Variants in PZP observed in about 807,000 individuals in gnomAD.
PZP encodes the protein PZP alpha-2-macroglobulin like.
A neutral mutation model predicts 179.8 loss-of-function variants in PZP; 150 were observed. That is an observed-to-expected ratio of 0.83 (90% confidence interval 0.73 to 0.96). PZP has a LOEUF of 0.96. Among genes scored for constraint, PZP ranks in the 40% least tolerant of loss-of-function variants. The pLI, the probability that PZP is intolerant of heterozygous loss-of-function variation, is 0.00. For missense variants in PZP, 1,689 were observed against 1,764.0 expected (o/e 0.96, Z 0.76); for synonymous variants, 624 against 652.3 (o/e 0.96, Z 0.66).
intron 10 of PZP, among the ~76,000 whole-genome samples, chr12:9,196,034 T>A (rs561650147): frequency 1.8e-4 from 28 of 152,112 alleles, no homozygotes; most frequent in Non-Finnish European, 3.8e-4. Flanking sequence ...GATAGAAATA[T>A]CATTTATTCT....
chr12:9,146,261 G>C (rs972590335), downstream of PZP, among the ~76,000 whole-genome samples: 1 of 151,024 alleles, frequency 6.6e-6, no homozygotes, highest in East Asian at 1.9e-4. Context: ...CCAATGACTG[G>C]TGTTCAAATT....
chr12:9,166,372 A>C (rs1941586742), intron 17 of PZP, among the ~76,000 whole-genome samples, 170 bp from the exon 18 acceptor site: 1 of 152,196 alleles, frequency 6.6e-6, no homozygotes. Flanking sequence ...TTCCCTGAAA[A>C]GAGAGGAGTC....
At chr12:9,161,639 C>T (rs1941208974) in intron 22 of PZP, among the ~76,000 whole-genome samples, 1 of 152,114 alleles carries the variant, frequency 6.6e-6, no homozygotes, top group South Asian at 2.1e-4. Flanking sequence ...TTACTGCCTC[C>T]CTTACACTAT....
At chr12:9,175,235 G>A (rs930955254) in intron 15 of PZP, among the ~76,000 whole-genome samples, 1 of 152,178 alleles carries the variant, frequency 6.6e-6, no homozygotes, top group African/African-American at 2.4e-5. Flanking sequence ...TTAGTAAATG[G>A]TGCTGGGAAT....
At position 9,164,187 on chromosome 12, in the gene PZP, T is replaced by C. The variant is rs763813780; in HGVS notation, c.2560A>G (p.Ile854Val). ...QNTKGEESYC[I>V]CGNERQTLSW... ...AAGGTTTGTCTCTCATTTCCACAGA[T>C]ACAATAGGATTCTTCTCCCTTTGTA... The change falls in exon 20 of 36, where the codon ATC becomes GTC. Residue 854 changes from isoleucine to valine, a missense_variant. Physicochemically the swap from Ile to Val is conservative, Grantham distance 29 (BLOSUM62 3). Around this residue, in one of 3 missense-constraint regions of PZP, gnomAD observed 746 missense variants for 749.2 expected, o/e 1.00. Transcript: ENST00000261336. 60 of 1,609,978 alleles carry C rather than the reference T, an allele frequency of 3.7e-5. No homozygotes were observed. The South Asian group carries it at 6.4e-4, about 17-fold the overall frequency.
chr12:9,166,030 G>A (rs765401946), intron 18 of PZP, 22 bp downstream of exon 18: 1 of 1,584,140 alleles, frequency 6.3e-7, no homozygotes, highest in Admixed American at 1.9e-5. Flanking sequence ...TCCAGCAAAT[G>A]GAGGAAAGTA....
chr12:9,186,000 G>C (rs1182796190), intron 13 of PZP, among the ~76,000 whole-genome samples: 1 of 151,774 alleles, frequency 6.6e-6, no homozygotes, highest in Non-Finnish European at 1.5e-5. Flanking sequence ...TAGAGATGGG[G>C]TTTCACCATG....
intron 7 of PZP, among the ~76,000 whole-genome samples, 166 bp downstream of exon 7, chr12:9,200,198 C>T (rs551803600): frequency 2.7e-4 from 41 of 152,124 alleles, no homozygotes; most frequent in Non-Finnish European, 5.3e-4. Context: ...TGTTTCTATT[C>T]TTTTATGTAT....
intron 13 of PZP, 95 bp downstream of exon 13, chr12:9,192,098 G>T: frequency 9.5e-7 from 1 of 1,055,640 alleles, no homozygotes; most frequent in Non-Finnish European, 1.5e-6. Flanking sequence ...ATTGTGAAGG[G>T]ATGATGGAAA....
At chr12:9,202,503 A>G in intron 3 of PZP, 22 bp downstream of exon 3, 1 of 1,613,712 alleles carries the variant, frequency 6.2e-7, no homozygotes. Context: ...GTTGCCCCAA[A>G]CAGTGGAATT....
Position 9,148,849 on chromosome 12 carries a change from C to G in PZP, c.*123G>C, listed in dbSNP as rs1387554592. ...ATGATGCAACAAGTGATAGTTTGAC[C>G]AGAAGTACATATTTATTCAGCAAAT... On this transcript the variant is annotated 3_prime_UTR_variant, in exon 36 of 36. Coordinates refer to ENST00000261336, the MANE Select transcript of PZP (RefSeq NM_002864.3). The G allele has an allele frequency of 1.3e-6, 1 of 789,630 alleles. No individual in the cohort carries two copies. The highest frequency in any genetic ancestry group is 2.5e-5 in the Admixed American group (1 of 40,398). 48.9% of individuals were successfully genotyped at this position (789,630 alleles called of 1,614,324 possible). A position where few individuals can be genotyped will look rare whatever the true frequency, so the allele number is the denominator to read the frequency against.
intron 15 of PZP, among the ~76,000 whole-genome samples, chr12:9,179,593 A>G (rs73249108): frequency 0.012 from 1,799 of 152,272 alleles, 36 homozygotes; most frequent in African/African-American, 0.041. Flanking sequence ...AGATCCCAAC[A>G]ACTCTACAGA....
At chr12:9,171,999 A>G (rs1458994132) in intron 15 of PZP, among the ~76,000 whole-genome samples, 2 of 152,198 alleles carry the variant, frequency 1.3e-5, no homozygotes, top group Non-Finnish European at 2.9e-5. Context: ...GAAGGCCAGT[A>G]AGATACTCCA....
chr12:9,158,709 C>T (rs1940942361), intron 25 of PZP, 133 bp from the exon 26 acceptor site: 8 of 721,078 alleles, frequency 1.1e-5, no homozygotes, highest in South Asian at 8.4e-5. Flanking sequence ...AGTTTGGAGA[C>T]TTTTTCTTTT....
chr12:9,175,143 CAG>C (rs1942277758), intron 15 of PZP, among the ~76,000 whole-genome samples: 10 of 152,238 alleles, frequency 6.6e-5, no homozygotes, highest in Admixed American at 6.5e-4. Flanking sequence ...ATAGAGAACT[CAG>C]AGATAAAACC....
intron 10 of PZP, among the ~76,000 whole-genome samples, chr12:9,195,446 T>C (rs2121142538): frequency 6.6e-6 from 1 of 150,806 alleles, no homozygotes; most frequent in African/African-American, 2.4e-5. Flanking sequence ...TCCTTCCCCT[T>C]TCCTTCTTTT....
At chr12:9,184,237 A>G (rs1942957480) in intron 13 of PZP, among the ~76,000 whole-genome samples, 1 of 152,182 alleles carries the variant, frequency 6.6e-6, no homozygotes, top group Admixed American at 6.5e-5. Flanking sequence ...ATTGGCAGGC[A>G]CTAAGCTCGC....
chr12:9,139,942 TGGA>T, the PZP span, among the ~76,000 whole-genome samples: 1 of 152,118 alleles, frequency 6.6e-6, no homozygotes, highest in Non-Finnish European at 1.5e-5. Flanking sequence ...TGTTTCTGTG[TGGA>T]GGAGAAGTTT....
At chr12:9,157,544 G>A (rs1466611402) in intron 27 of PZP, among the ~76,000 whole-genome samples, 189 bp from the exon 28 acceptor site, 1 of 152,196 alleles carries the variant, frequency 6.6e-6, no homozygotes, top group Non-Finnish European at 1.5e-5. Flanking sequence ...TAAAGAATAA[G>A]ACTAGAGAAC....
Sources: allele counts gnomAD v4.1 joint callset (sites outside exome capture counted in the v4.1 genomes callset), GRCh38; gene constraint gnomAD v4.1.1; regional missense constraint gnomAD v4.1.1; transcripts MANE v1.5; gene names NCBI Gene and HGNC (gene_info 2026-07-23, HGNC 2026-07-21).